The following ASIC1 variants were observed in gnomAD, a reference collection of about 807,000 sequenced individuals.
ASIC1 encodes acid-sensing ion channel 1.
Under a neutral mutation model 63.4 loss-of-function variants are expected in ASIC1, and 21 were observed. That is an observed-to-expected ratio of 0.33 (90% CI 0.23 to 0.48). The LOEUF (loss-of-function observed/expected upper bound fraction) is 0.48. Ranked by LOEUF, ASIC1 falls within the 20% of genes least tolerant of loss-of-function variation. The pLI, the probability that ASIC1 is intolerant of heterozygous loss-of-function variation, is 0.99. For missense variants in ASIC1, 478 were observed against 695.5 expected (o/e 0.69, Z 3.52); for synonymous variants, 258 against 278.2 (o/e 0.93, Z 0.72).
In ASIC1 at chr12:50,059,698, A is replaced by G; in HGVS notation, c.363-61A>G. 6.5e-7 allele frequency: 1 copy of G among 1,547,470 alleles called. No homozygotes were observed. Among genetic ancestry groups the G allele is most frequent in the Non-Finnish European group, 8.8e-7 (1 of 1,138,958 alleles). ...GGCTGGAGGCTGCCCCCATCACCCA[A>G]GTTGGGTGCAGGACACTGATGACTG... On this transcript the variant is annotated intron_variant, in intron 2 of 11. Transcript: ENST00000447966. This position sits in a 1 kb window ranked among gnomAD's most constrained non-coding sequence, Gnocchi z 4.6.
Position 50,074,441 on chromosome 12 carries a change from A to G in ASIC1, c.559-2772A>G, listed in dbSNP as rs1950633113. 1.3e-5 allele frequency among the ~76,000 whole-genome samples: 2 copies of G among 152,164 alleles called. No homozygotes were observed. Among genetic ancestry groups the G allele is most frequent in the Admixed American group, 1.3e-4 (2 of 15,286 alleles). ...GAGCTGGGCTGGTATTCCCAGGTCC[A>G]CACCAGTGCTGCTTTTCCTGTTAGA... is the stretch of plus-strand genomic sequence containing the variant. On this transcript the variant is annotated intron_variant, in intron 3 of 11. Coordinates refer to ENST00000447966, the MANE Select transcript of ASIC1 (RefSeq NM_001095.4). This position sits in a 1 kb window ranked among gnomAD's most constrained non-coding sequence, Gnocchi z 4.2.
intron 3 of ASIC1, among the ~76,000 whole-genome samples, chr12:50,064,947 C>A (rs112532318): frequency 0.037 from 5,598 of 151,984 alleles, 348 homozygotes; most frequent in African/African-American, 0.13. Context: ...GGCTGAGAGC[C>A]ATGGGGGTGG....
intron 3 of ASIC1, chr12:50,073,999 T>C: frequency 6.5e-7 from 1 of 1,535,732 alleles, no homozygotes; most frequent in Non-Finnish European, 8.7e-7. Context: ...AGTCACCCTC[T>C]GCAACACTAA....
In ASIC1 at chr12:50,067,410, G is replaced by GTTT. The variant is rs35238318; in HGVS notation, c.558+7470_558+7472dup. ...GTTGCCCACCAACTCTTCTGCTGTTGTTTTTTTTTTTTTTTTGAGACGGAG... is the reference window on the plus strand; with the variant it reads ...GTTGCCCACCAACTCTTCTGCTGTTGTTTTTTTTTTTTTTTTTTTGAGACGGAG... On this transcript the variant is annotated intron_variant, in intron 3 of 11. Coordinates refer to ENST00000447966, the MANE Select transcript of ASIC1 (RefSeq NM_001095.4). Among the ~76,000 whole-genome samples the GTTT allele has an allele frequency of 3.7e-5, 5 of 134,200 alleles. 1 individual carries two copies. The highest frequency in any genetic ancestry group is 8.0e-5 in the Non-Finnish European group (5 of 62,404). 88.0% of individuals were successfully genotyped at this position (134,200 alleles called of 152,430 possible).
At chr12:50,076,817 T>C (rs938903246) in intron 3 of ASIC1, 6 of 387,210 alleles carry the variant, frequency 1.5e-5, no homozygotes, top group African/African-American at 1.3e-4. Flanking sequence ...CAGTGCTCTG[T>C]AGGGAGCCCT....
chr12:50,064,186 C>T (rs1332371614), intron 3 of ASIC1, among the ~76,000 whole-genome samples: 1 of 152,060 alleles, frequency 6.6e-6, no homozygotes, highest in Non-Finnish European at 1.5e-5. Flanking sequence ...GGAAGGGTTC[C>T]TGCCCTAGGG....
rs759280738 is a variant in ASIC1 at position 50,078,002 on chromosome 12, G to A, written c.712G>A (p.Glu238Lys). The A allele has an allele frequency of 2.2e-5, 35 of 1,611,218 alleles. No individual in the cohort carries two copies. The highest frequency in any genetic ancestry group is 4.5e-5 in the East Asian group (2 of 44,862). The change falls in exon 5 of 12, where the codon GAG becomes AAG. Residue 238 changes from glutamate to lysine, a missense_variant and splice_region_variant. Glu to Lys is a moderately conservative substitution (Grantham distance 56). Transcript: ENST00000447966. This position sits in a 1 kb window ranked among gnomAD's most constrained non-coding sequence, Gnocchi z 6.0. ...CCACACACTCCTCATTCCCCTAGACGAGACGTCCTTCGAAGCAGGCATCAA... is the reference window on the plus strand; with the variant it reads ...CCACACACTCCTCATTCCCCTAGACAAGACGTCCTTCGAAGCAGGCATCAA... ...EYLPVWGETD[E>K]TSFEAGIKVQ...
chr12:50,081,331 C>T lies in ASIC1; in HGVS notation c.1449C>T (p.Gly483=), dbSNP rs1379838514. Residue 483 remains glycine, a synonymous_variant, in exon 11 of 12, where the codon GGC becomes GGT. Transcript: ENST00000447966. The stretch of plus-strand genomic sequence containing the variant: ...CCAAAAGGAGCAGTGCGGACAAGGG[C>T]GTGGCCCTCAGCCTGGACGACGTCA... ...KEAKRSSADK[G]VALSLDDVKR... The T allele has an allele frequency of 1.8e-5, 29 of 1,610,110 alleles. No homozygotes were observed. In the South Asian group the frequency reaches 3.0e-4, roughly 17 times the overall value.
At position 50,078,364 on chromosome 12, in the gene ASIC1, C is replaced by T. The variant is rs558458817; in HGVS notation, c.838-57C>T. On this transcript the variant is annotated intron_variant, in intron 5 of 11. Coordinates refer to ENST00000447966, the MANE Select transcript of ASIC1 (RefSeq NM_001095.4). This position sits in a 1 kb window ranked among gnomAD's most constrained non-coding sequence, Gnocchi z 6.0. ...TCTGCATCTTGTCAGAGGAGTCCAT[C>T]AAGCTGATTTGGGGAGAAGTCCCCG... is the stretch of plus-strand genomic sequence containing the variant. The T allele has an allele frequency of 6.2e-7, 1 of 1,600,648 alleles. No individual in the cohort carries two copies. Among genetic ancestry groups the T allele is most frequent in the East Asian group, 2.2e-5 (1 of 44,834 alleles).
intron 3 of ASIC1, among the ~76,000 whole-genome samples, chr12:50,066,023 G>A (rs757122847): frequency 2.6e-5 from 4 of 152,358 alleles, no homozygotes; most frequent in East Asian, 1.9e-4. Flanking sequence ...AGTGTGAAGT[G>A]GAAGCATGTG....
At chr12:50,073,968 C>G (rs758477870) in intron 3 of ASIC1, 94 of 1,535,734 alleles carry the variant, frequency 6.1e-5, no homozygotes, top group Admixed American at 2.4e-4. Flanking sequence ...AAGTGGCCAC[C>G]ACGGAGCTGG....
rs772058035 is a variant in ASIC1, at chr12:50,078,516, C to T, written c.933C>T (p.Arg311=). 6.2e-7 allele frequency: 1 copy of T among 1,614,148 alleles called. No individual in the cohort carries two copies. Among genetic ancestry groups the T allele is most frequent in the Admixed American group, 1.7e-5 (1 of 60,014 alleles). The change falls in exon 6 of 12, where the codon CGC becomes CGT. Residue 311 remains arginine (R), a synonymous_variant. Coordinates refer to ENST00000447966, the MANE Select transcript of ASIC1 (RefSeq NM_001095.4). This position sits in a 1 kb window ranked among gnomAD's most constrained non-coding sequence, Gnocchi z 6.0. The part of the protein sequence containing the change: ...FFDSYSITAC[R]IDCETRYLVE... ...ACTCCTACAGCATCACTGCCTGCCGCATCGACTGTGAGACGCGCTACCTGG... is the reference window on the plus strand; with the variant it reads ...ACTCCTACAGCATCACTGCCTGCCGTATCGACTGTGAGACGCGCTACCTGG...
At chr12:50,069,585 C>T (rs1424285548) in intron 3 of ASIC1, among the ~76,000 whole-genome samples, 4 of 152,312 alleles carry the variant, frequency 2.6e-5, no homozygotes, top group South Asian at 2.1e-4. Context: ...TAAGCCACCG[C>T]GCCCAGCCTC....
chr12:50,072,458 A>G (rs1950609071), intron 3 of ASIC1, among the ~76,000 whole-genome samples: 1 of 151,760 alleles, frequency 6.6e-6, no homozygotes, highest in Non-Finnish European at 1.5e-5. Flanking sequence ...GGGAATGGTA[A>G]ATTAGCGGTA....
chr12:50,067,023 A>G (rs1052039444), intron 3 of ASIC1, among the ~76,000 whole-genome samples: 3 of 152,162 alleles, frequency 2.0e-5, no homozygotes, highest in African/African-American at 7.2e-5. Context: ...CATGCTGAAG[A>G]TGCTCTTGTC....
intron 9 of ASIC1, chr12:50,080,845 C>T (rs1401711403): frequency 1.1e-6 from 1 of 927,078 alleles, no homozygotes; most frequent in Non-Finnish European, 1.6e-6. Context: ...TTCATATGCC[C>T]CTAAACTAAG....
At chr12:50,079,563 A>T (rs529280067) in intron 7 of ASIC1, among the ~76,000 whole-genome samples, 1 of 152,280 alleles carries the variant, frequency 6.6e-6, no homozygotes, top group East Asian at 1.9e-4. Flanking sequence ...GTGAGATATA[A>T]GAGTAAGAAA....
Position 50,078,293 on chromosome 12 carries a change from A to C in ASIC1, c.838-128A>C, listed in dbSNP as rs569672912. ...GAACAAGAATGCTCTGTAAACTCTG[A>C]GACCTTTGGAGGCTGCAGAGGGAGA... On this transcript the variant is annotated intron_variant, in intron 5 of 11. Coordinates refer to ENST00000447966, the MANE Select transcript of ASIC1 (RefSeq NM_001095.4). The surrounding 1 kb of genome is among the most constrained non-coding windows in gnomAD (Gnocchi z 6.0). 1.3e-6 allele frequency: 2 copies of C among 1,505,924 alleles called. No homozygotes were observed. Among genetic ancestry groups the C allele is most frequent in the Admixed American group, 3.9e-5 (2 of 50,742 alleles). The allele number at this position is 1,505,924 out of a possible 1,614,324, so 93.3% of individuals were successfully genotyped here.
chr12:50,076,005 G>A (rs377331590), intron 3 of ASIC1, among the ~76,000 whole-genome samples: 6 of 151,764 alleles, frequency 4.0e-5, no homozygotes, highest in Admixed American at 2.6e-4. Flanking sequence ...AAGCATTAAC[G>A]CACACACCAT....
Sources: gnomAD v4.1 joint callset for allele counts (sites outside exome capture counted in the v4.1 genomes callset) on GRCh38, gnomAD v4.1.1 for gene constraint, Gnocchi (gnomAD v3.1) non-coding constraint, MANE v1.5 for transcripts, NCBI Gene and HGNC (gene_info 2026-07-23, HGNC 2026-07-21) for gene names.